VRK3: variants seen among roughly 807,000 people sequenced by gnomAD.
The protein encoded by VRK3 is VRK serine/threonine kinase 3.
Under a neutral mutation model 60.4 loss-of-function variants are expected in VRK3, and 50 were observed. That is an observed-to-expected ratio of 0.83 (90% CI 0.66 to 1.05). The LOEUF (loss-of-function observed/expected upper bound fraction) is 1.05, where lower values mean the gene tolerates loss of function less well. Among genes scored for constraint, VRK3 ranks in the 50% least tolerant of loss-of-function variants. The pLI is 0.00. For missense variants in VRK3, 549 were observed against 585.3 expected (o/e 0.94, Z 0.64); for synonymous variants, 246 against 227.8 (o/e 1.08, Z -0.72).
chr19:49,977,897 T>C (rs10416166), intron 14 of VRK3, among the ~76,000 whole-genome samples: 8,088 of 152,216 alleles, frequency 0.053, 709 homozygotes, highest in African/African-American at 0.19. Context: ...TGGCCCACTC[T>C]GTGCGCAGGT....
intron 2 of VRK3, among the ~76,000 whole-genome samples, chr19:50,018,581 T>C (rs56934989): frequency 0.052 from 7,986 of 152,314 alleles, 689 homozygotes; most frequent in African/African-American, 0.18. Context: ...GTAAGACATC[T>C]GGACTGCAAA....
intron 5 of VRK3, 24 bp downstream of exon 5, chr19:50,007,545 T>C: frequency 6.2e-7 from 1 of 1,611,146 alleles, no homozygotes; most frequent in Non-Finnish European, 8.5e-7. Context: ...ACCCAGTCCC[T>C]GGCCGCCCAT....
At chr19:49,990,773 T>TA (rs942367415) in intron 10 of VRK3, among the ~76,000 whole-genome samples, 2 of 151,062 alleles carry the variant, frequency 1.3e-5, no homozygotes. Flanking sequence ...TGGTGTTCAT[T>TA]AAAAAAATAA....
intron 7 of VRK3, among the ~76,000 whole-genome samples, chr19:49,996,009 C>T (rs2076698123): frequency 6.6e-6 from 1 of 152,046 alleles, no homozygotes; most frequent in African/African-American, 2.4e-5. Context: ...GCAACCTCCA[C>T]CTCCCAGGTT....
intron 5 of VRK3, among the ~76,000 whole-genome samples, chr19:50,007,026 G>A (rs2076903644): frequency 1.3e-5 from 2 of 152,104 alleles, no homozygotes; most frequent in South Asian, 2.1e-4. Flanking sequence ...CCCCAAGCAC[G>A]ATGAAACACC....
At chr19:49,989,922 GA>G (rs1460369775) in intron 10 of VRK3, 151 bp from the exon 11 acceptor site, 1 of 966,368 alleles carries the variant, frequency 1.0e-6, no homozygotes, top group Non-Finnish European at 1.4e-6. Context: ...AAAATGATGT[GA>G]AGTAAAAAGA....
At chr19:50,017,555 CAA>C (rs980515749) in intron 2 of VRK3, among the ~76,000 whole-genome samples, 4 of 50,058 alleles carry the variant, frequency 8.0e-5, no homozygotes, top group Non-Finnish European at 1.4e-4. Flanking sequence ...GCCTGGGTAA[CAA>C]GAGTGAAACT....
At chr19:50,006,693 A>G (rs111875264) in intron 5 of VRK3, among the ~76,000 whole-genome samples, 1 of 152,240 alleles carries the variant, frequency 6.6e-6, no homozygotes, top group African/African-American at 2.4e-5. Flanking sequence ...AATAACTTTT[A>G]TGTGAGTTTT....
At chr19:50,021,573 G>A (rs2077171542) in intron 1 of VRK3, among the ~76,000 whole-genome samples, 1 of 152,208 alleles carries the variant, frequency 6.6e-6, no homozygotes, top group Non-Finnish European at 1.5e-5. Flanking sequence ...CAAGTCCTCA[G>A]ACCACTTAAA....
At chr19:50,006,617 C>T (rs1339189235) in intron 5 of VRK3, among the ~76,000 whole-genome samples, 2 of 152,092 alleles carry the variant, frequency 1.3e-5, no homozygotes, top group Non-Finnish European at 2.9e-5. Context: ...CCTCGTGATC[C>T]GCCTGTCTCG....
intron 12 of VRK3, chr19:49,982,226 C>T (rs909124718): frequency 4.3e-6 from 3 of 702,746 alleles, no homozygotes; most frequent in African/African-American, 3.5e-5. Context: ...TCATGACCAA[C>T]AGCACCGTAG....
At chr19:50,010,138 C>T (rs1600709757) in intron 3 of VRK3, among the ~76,000 whole-genome samples, 1 of 151,988 alleles carries the variant, frequency 6.6e-6, no homozygotes, top group Admixed American at 6.6e-5. Context: ...CATATATAGA[C>T]ACACACATAT....
intron 14 of VRK3, among the ~76,000 whole-genome samples, chr19:49,976,987 G>T (rs576124035): frequency 6.6e-6 from 1 of 152,162 alleles, no homozygotes; most frequent in African/African-American, 2.4e-5. Context: ...CTAAACACAC[G>T]CTTCCCTCCA....
chr19:50,006,929 G>C (rs965439985), intron 5 of VRK3, among the ~76,000 whole-genome samples: 2 of 152,084 alleles, frequency 1.3e-5, no homozygotes, highest in African/African-American at 4.8e-5. Context: ...GCAAGCTTGG[G>C]TGCTCCCTCC....
intron 12 of VRK3, chr19:49,988,077 C>A: frequency 4.0e-6 from 1 of 249,334 alleles, no homozygotes; most frequent in South Asian, 5.4e-5. Flanking sequence ...TCTTTGCAGT[C>A]CCATAAGGTA....
In VRK3 at chr19:50,009,277, G is replaced by A; in HGVS notation, c.248C>T (p.Ser83Phe). ...GGAACTCAGAGTATCTTCAGACTCA[G>A]AACTGTCACCATCTGAGAAGAGGGA... ...RLSLFSDGDSSESEDTLSSSE... is the reference protein window; with the variant it reads ...RLSLFSDGDSFESEDTLSSSE... The change falls in exon 4 of 15, where the codon TCT becomes TTT. Residue 83 changes from serine (S) to phenylalanine (F), a missense_variant. By Grantham distance (155) the Ser-to-Phe change is radical. Transcript: ENST00000316763. The A allele has an allele frequency of 1.2e-6, 2 of 1,614,134 alleles. No individual in the cohort carries two copies. The highest frequency in any genetic ancestry group is 1.7e-6 in the Non-Finnish European group (2 of 1,180,020).
chr19:50,014,084 T>C (rs2077037263), intron 3 of VRK3, among the ~76,000 whole-genome samples: 1 of 151,974 alleles, frequency 6.6e-6, no homozygotes, highest in Admixed American at 6.6e-5. Flanking sequence ...CTGGCCAACG[T>C]GGTGAAACCC....
chr19:49,978,511 T>G (rs2076368962), intron 14 of VRK3: 1 of 153,086 alleles, frequency 6.5e-6, no homozygotes, highest in Non-Finnish European at 1.5e-5. Context: ...GCAGCCGGGC[T>G]GTGCACACAG....
chr19:49,979,683 G>A (rs2076390273), intron 13 of VRK3, among the ~76,000 whole-genome samples: 1 of 152,154 alleles, frequency 6.6e-6, no homozygotes, highest in Non-Finnish European at 1.5e-5. Flanking sequence ...GAGGCCCAAG[G>A]TTCACAGAGG....
Sources: gnomAD v4.1 joint callset for allele counts (sites outside exome capture counted in the v4.1 genomes callset) on GRCh38, gnomAD v4.1.1 for gene constraint, MANE v1.5 for transcripts, NCBI Gene and HGNC (gene_info 2026-07-23, HGNC 2026-07-21) for gene names.